Variants in LCA5 observed in about 807,000 individuals in gnomAD.
LCA5 encodes the protein lebercilin.
Under a neutral mutation model 53.0 loss-of-function variants are expected in LCA5, and 37 were observed. The ratio of observed to expected loss-of-function variants is 0.70; its 90% CI spans 0.54 to 0.92. LCA5 has a LOEUF of 0.92. Ranked by LOEUF, LCA5 falls within the 40% of genes least tolerant of loss-of-function variation. The pLI is 0.00. For synonymous variants in LCA5, 303 were observed against 282.9 expected (o/e 1.07, Z -0.71); for missense variants, 806 against 790.5 (o/e 1.02, Z -0.23).
chr6:79,536,944 C>CCT (rs942880179), intron 1 of LCA5, among the ~76,000 whole-genome samples: 7 of 152,256 alleles, frequency 4.6e-5, no homozygotes, highest in Admixed American at 1.3e-4. Flanking sequence ...TCCTCGGGAC[C>CCT]CTCTCAGAAG....
chr6:79,490,364 C>T (rs1242217820), intron 6 of LCA5, among the ~76,000 whole-genome samples: 3 of 152,088 alleles, frequency 2.0e-5, no homozygotes, highest in African/African-American at 7.2e-5. Flanking sequence ...AATCCACCCT[C>T]ATTTTATACA....
chr6:79,492,246 G>A (rs1262256807), intron 5 of LCA5, among the ~76,000 whole-genome samples: 1 of 151,832 alleles, frequency 6.6e-6, no homozygotes, highest in Non-Finnish European at 1.5e-5. Flanking sequence ...GTAAATGAAA[G>A]TGCATCATAT....
chr6:79,498,396 T>C (rs141117824), intron 3 of LCA5, among the ~76,000 whole-genome samples: 2 of 152,208 alleles, frequency 1.3e-5, no homozygotes, highest in East Asian at 1.9e-4. Context: ...CCCCCCTAGA[T>C]ATTTTGGAGC....
At chr6:79,522,406 T>C (rs1346512933) in intron 1 of LCA5, among the ~76,000 whole-genome samples, 1 of 151,930 alleles carries the variant, frequency 6.6e-6, no homozygotes, top group African/African-American at 2.4e-5. Context: ...AAAAATTAAA[T>C]CTGAATCTAC....
In LCA5 at chr6:79,493,724, A is replaced by C; in HGVS notation, c.747T>G (p.Ser249Arg). 6.2e-7 allele frequency: 1 copy of C among 1,613,450 alleles called. No homozygotes were observed. Among genetic ancestry groups the C allele is most frequent in the Non-Finnish European group, 8.5e-7 (1 of 1,179,590 alleles). Residue 249 changes from serine to arginine, a missense_variant, in exon 4 of 8, where the codon AGT becomes AGG. Transcript: ENST00000369846. ...GCAACTGTCGTTGGAAACTGTTAGT[A>C]CTCAGTTCAAGGTTTTTCGATAGCT... is the stretch of plus-strand genomic sequence containing the variant. Reference protein sequence around the residue: ...IKELSKNLELSTNSFQRQLLA... With the variant: ...IKELSKNLELRTNSFQRQLLA...
At chr6:79,536,059 T>A (rs2127693192) in intron 1 of LCA5, among the ~76,000 whole-genome samples, 1 of 152,330 alleles carries the variant, frequency 6.6e-6, no homozygotes, top group Non-Finnish European at 1.5e-5. Context: ...CAAACTACTT[T>A]TTGATATTTA....
At chr6:79,528,585 T>C (rs1023217011) in intron 1 of LCA5, among the ~76,000 whole-genome samples, 1 of 152,192 alleles carries the variant, frequency 6.6e-6, no homozygotes, top group Non-Finnish European at 1.5e-5. Flanking sequence ...CCAATATACA[T>C]GTTAACTCAA....
chr6:79,538,033 T>G (rs1009702346), upstream of LCA5, among the ~76,000 whole-genome samples: 107 of 134,954 alleles, frequency 7.9e-4, 2 homozygotes, highest in East Asian at 0.019. Context: ...TTTTTTTTTT[T>G]TTTTTTTTTT....
At chr6:79,533,810 T>A in intron 1 of LCA5, among the ~76,000 whole-genome samples, 1 of 151,900 alleles carries the variant, frequency 6.6e-6, no homozygotes. Flanking sequence ...GAAAAAAAAC[T>A]GTAAAATCAA....
intron 6 of LCA5, among the ~76,000 whole-genome samples, chr6:79,489,966 T>C (rs941446037): frequency 1.3e-5 from 2 of 151,976 alleles, no homozygotes; most frequent in Non-Finnish European, 2.9e-5. Context: ...AAATGCTGCT[T>C]CCCCTCCATT....
chr6:79,494,243 A>AG (rs1325684635), intron 3 of LCA5, among the ~76,000 whole-genome samples: 1 of 151,976 alleles, frequency 6.6e-6, no homozygotes, highest in East Asian at 1.9e-4. Flanking sequence ...TAAAAAAAAA[A>AG]AATCTTAAGC....
At chr6:79,537,084 A>C (rs1767162650) in intron 1 of LCA5, 81 bp downstream of exon 1, 1 of 153,116 alleles carries the variant, frequency 6.5e-6, no homozygotes, top group Non-Finnish European at 1.5e-5. Context: ...ACGCCCCTTC[A>C]CTAGCTACCA....
intron 1 of LCA5, among the ~76,000 whole-genome samples, chr6:79,534,756 G>A (rs377553564): frequency 2.1e-3 from 323 of 152,162 alleles, no homozygotes; most frequent in Non-Finnish European, 3.1e-3. Context: ...AAGTGGGGGG[G>A]TAAATGAGGT....
At chr6:79,488,266 C>G (rs1769730341) in intron 7 of LCA5, 1 of 164,360 alleles carries the variant, frequency 6.1e-6, no homozygotes, top group Non-Finnish European at 1.3e-5. Context: ...ACAGAAGATG[C>G]ATTAACTTGA....
chr6:79,489,307 A>G, intron 6 of LCA5, 91 bp from the exon 7 acceptor site: 1 of 1,275,106 alleles, frequency 7.8e-7, no homozygotes, highest in Non-Finnish European at 1.1e-6. Context: ...CATGATTACC[A>G]ACTAAGTTAA....
intron 1 of LCA5, among the ~76,000 whole-genome samples, chr6:79,519,866 A>C (rs1250125243): frequency 6.6e-6 from 1 of 152,178 alleles, no homozygotes; most frequent in African/African-American, 2.4e-5. Flanking sequence ...TATCATCTTC[A>C]ATACATAAAT....
At chr6:79,499,689 T>A (rs13210971) in intron 3 of LCA5, among the ~76,000 whole-genome samples, 13 of 151,984 alleles carry the variant, frequency 8.6e-5, no homozygotes, top group East Asian at 5.8e-4. Context: ...TCCTTTTTTT[T>A]AAATTTTATT....
chr6:79,534,960 C>T (rs981624312), intron 1 of LCA5, among the ~76,000 whole-genome samples: 2 of 152,108 alleles, frequency 1.3e-5, no homozygotes, highest in African/African-American at 4.8e-5. Context: ...GTGTAAAATA[C>T]ATGTGGAATT....
At chr6:79,512,421 A>T (rs1367021073) in intron 3 of LCA5, among the ~76,000 whole-genome samples, 1 of 152,146 alleles carries the variant, frequency 6.6e-6, no homozygotes, top group African/African-American at 2.4e-5. Context: ...ATGGCATATT[A>T]TATAGAGTAA....
Sources: gnomAD v4.1 joint callset for allele counts (sites outside exome capture counted in the v4.1 genomes callset) on GRCh38, gnomAD v4.1.1 for gene constraint, MANE v1.5 for transcripts, NCBI Gene and HGNC (gene_info 2026-07-23, HGNC 2026-07-21) for gene names.